The following SOX5 variants were observed in gnomAD, a reference collection of about 807,000 sequenced individuals.
SOX5 encodes transcription factor SOX-5.
Under a neutral mutation model 92.0 loss-of-function variants are expected in SOX5, and 9 were observed. That is an observed-to-expected ratio of 0.10 (90% CI 0.06 to 0.17). SOX5 has a LOEUF of 0.17. Ranked by LOEUF, SOX5 falls within the 10% of genes least tolerant of loss-of-function variation. The pLI is 1.00. For missense variants in SOX5, 642 were observed against 944.5 expected, an observed-to-expected ratio of 0.68 and a Z score of 4.20; for synonymous variants, 344 against 336.3, an observed-to-expected ratio of 1.02 and a Z score of -0.25.
chr12:23,693,344 G>T (rs1179645747), intron 6 of SOX5, among the ~76,000 whole-genome samples: 1 of 152,058 alleles, frequency 6.6e-6, no homozygotes, highest in Non-Finnish European at 1.5e-5. Context: ...GGCTGGTCTT[G>T]AACTCCTTCC....
intron 4 of SOX5, among the ~76,000 whole-genome samples, chr12:24,092,196 T>C (rs989103048): frequency 6.6e-6 from 1 of 152,164 alleles, no homozygotes; most frequent in Non-Finnish European, 1.5e-5. Context: ...AAAGTAAGTA[T>C]GGCTAAACTT....
intron 4 of SOX5, among the ~76,000 whole-genome samples, chr12:24,000,895 TAGAC>T (rs1951536299): frequency 6.6e-6 from 1 of 152,154 alleles, no homozygotes; most frequent in Non-Finnish European, 1.5e-5. Context: ...AGTTAGGAAT[TAGAC>T]AGGATATACA....
intron 1 of SOX5, among the ~76,000 whole-genome samples, chr12:24,373,851 C>T (rs576898536): frequency 4.6e-5 from 7 of 152,244 alleles, no homozygotes; most frequent in African/African-American, 1.7e-4. Flanking sequence ...TCTTGCTGTC[C>T]CTAGATTAAT....
intron 4 of SOX5, among the ~76,000 whole-genome samples, chr12:24,026,262 TAAC>T (rs1954855254): frequency 7.0e-6 from 1 of 142,494 alleles, no homozygotes; most frequent in South Asian, 2.1e-4. Flanking sequence ...GACAAAATCT[TAAC>T]ATGGATATTT....
intron 4 of SOX5, among the ~76,000 whole-genome samples, chr12:23,995,432 C>T (rs942636974): frequency 3.3e-5 from 5 of 152,106 alleles, no homozygotes; most frequent in Non-Finnish European, 4.4e-5. Flanking sequence ...CAGTGACTCA[C>T]GACTATAATC....
chr12:24,205,856 G>A (rs1211630796), intron 4 of SOX5, among the ~76,000 whole-genome samples: 2 of 152,132 alleles, frequency 1.3e-5, no homozygotes, highest in African/African-American at 4.8e-5. Flanking sequence ...TATTAAAAGA[G>A]CTTTTAAAAG....
chr12:23,862,902 C>T (rs1441933567), intron 2 of SOX5, among the ~76,000 whole-genome samples: 2 of 152,170 alleles, frequency 1.3e-5, no homozygotes, highest in Non-Finnish European at 2.9e-5. Flanking sequence ...TCCAATTCCA[C>T]AGAGCCACCG....
intron 1 of SOX5, among the ~76,000 whole-genome samples, chr12:24,544,121 T>G (rs1384341414): frequency 6.6e-6 from 1 of 152,206 alleles, no homozygotes; most frequent in Non-Finnish European, 1.5e-5. Context: ...CAGGTACTGT[T>G]AAATATAAAA....
At chr12:24,463,844 T>C (rs1192972730) in intron 1 of SOX5, among the ~76,000 whole-genome samples, 2 of 152,220 alleles carry the variant, frequency 1.3e-5, no homozygotes, top group African/African-American at 2.4e-5. Context: ...CTGACATCTA[T>C]ACTCTTGAGC....
chr12:23,927,037 T>G (rs1370760761), intron 1 of SOX5, among the ~76,000 whole-genome samples: 4 of 152,110 alleles, frequency 2.6e-5, no homozygotes, highest in Admixed American at 1.3e-4. Context: ...ATTTTAAAAA[T>G]TAGAACAACC....
intron 4 of SOX5, among the ~76,000 whole-genome samples, chr12:23,965,834 G>C (rs1270542570): frequency 1.3e-5 from 2 of 151,930 alleles, no homozygotes; most frequent in East Asian, 3.9e-4. Context: ...GGCCAGGCTG[G>C]TCTTGAACTC....
intron 3 of SOX5, among the ~76,000 whole-genome samples, chr12:23,784,222 T>C (rs145066774): frequency 0.011 from 1,733 of 152,290 alleles, 36 homozygotes; most frequent in African/African-American, 0.04. Context: ...TCATGAAATC[T>C]CATAGGCTTC....
intron 4 of SOX5, among the ~76,000 whole-genome samples, chr12:24,027,689 A>G (rs1955031146): frequency 6.6e-6 from 1 of 151,866 alleles, no homozygotes; most frequent in Admixed American, 6.6e-5. Flanking sequence ...TAAGATGGTA[A>G]GTTTGAAGAC....
chr12:23,771,568 T>C (rs986507073), intron 3 of SOX5, among the ~76,000 whole-genome samples: 18 of 152,342 alleles, frequency 1.2e-4, no homozygotes, highest in African/African-American at 3.8e-4. Context: ...ACTGCTATAA[T>C]AGCCCAGTAT....
intron 1 of SOX5, among the ~76,000 whole-genome samples, chr12:24,414,653 G>A (rs1964699486): frequency 6.6e-6 from 1 of 152,198 alleles, no homozygotes; most frequent in African/African-American, 2.4e-5. Context: ...GAAAGGAAGT[G>A]AAGGTGCAAA....
intron 4 of SOX5, among the ~76,000 whole-genome samples, chr12:24,158,259 T>A (rs1442569189): frequency 6.6e-6 from 1 of 152,088 alleles, no homozygotes; most frequent in Non-Finnish European, 1.5e-5. Context: ...TAAAAATGTT[T>A]ATTTAATAAA....
chr12:24,444,370 A>G (rs925933657), intron 1 of SOX5, among the ~76,000 whole-genome samples: 3 of 152,182 alleles, frequency 2.0e-5, no homozygotes, highest in Non-Finnish European at 4.4e-5. Context: ...AGATAATCAG[A>G]ATAGATACAG....
At chr12:24,032,285 A>T (rs1251738603) in intron 4 of SOX5, among the ~76,000 whole-genome samples, 1 of 151,858 alleles carries the variant, frequency 6.6e-6, no homozygotes, top group Non-Finnish European at 1.5e-5. Flanking sequence ...AAAAGGTATC[A>T]TTACAAATAT....
intron 1 of SOX5, chr12:23,944,443 TAAAGA>T (rs1944207961): frequency 6.6e-6 from 1 of 152,024 alleles, no homozygotes; most frequent in Admixed American, 6.6e-5. Flanking sequence ...AATTAGTAAG[TAAAGA>T]AAAGAATAGA....
Sources: allele counts gnomAD v4.1 joint callset (sites outside exome capture counted in the v4.1 genomes callset), GRCh38; gene constraint gnomAD v4.1.1; transcripts MANE v1.5; gene names NCBI Gene and HGNC (gene_info 2026-07-23, HGNC 2026-07-21).